Variants in PTPRT observed in about 807,000 individuals in gnomAD.
The protein encoded by PTPRT is protein tyrosine phosphatase receptor type T, also known as receptor-type tyrosine-protein phosphatase T.
In PTPRT, 56 loss-of-function variants were observed where a neutral mutation model predicts 176.8. The observed-to-expected ratio is 0.32, with a 90% CI of 0.26 to 0.40. PTPRT has a LOEUF of 0.40. Among genes scored for constraint, PTPRT ranks in the 10% least tolerant of loss-of-function variants. PTPRT has a pLI of 1.00. For synonymous variants in PTPRT, 783 were observed against 739.0 expected, an observed-to-expected ratio of 1.06 and a Z score of -0.96; for missense variants, 1,540 against 1,908.2, an observed-to-expected ratio of 0.81 and a Z score of 3.60.
At chr20:42,688,504 G>A (rs866370428) in intron 6 of PTPRT, 6 of 152,204 alleles carry the variant, frequency 3.9e-5, no homozygotes, top group Non-Finnish European at 8.8e-5. Context: ...CTTTTGCACT[G>A]ACAGCCTTTC....
At chr20:42,110,574 AG>A in intron 22 of PTPRT, 87 bp from the exon 23 acceptor site, 20 of 1,412,398 alleles carry the variant, frequency 1.4e-5, no homozygotes, top group Non-Finnish European at 1.9e-5. Context: ...TGCTGCACTG[AG>A]GAACCTCCCG....
intron 1 of PTPRT, among the ~76,000 whole-genome samples, chr20:43,101,244 G>C (rs1164703032): frequency 1.3e-5 from 2 of 152,106 alleles, no homozygotes; most frequent in East Asian, 1.9e-4. Context: ...GGATTTGCTG[G>C]GGGGAGATTC....
chr20:42,656,435 T>A (rs1322488471), intron 7 of PTPRT, among the ~76,000 whole-genome samples: 3 of 152,166 alleles, frequency 2.0e-5, no homozygotes, highest in Non-Finnish European at 2.9e-5. Flanking sequence ...CCATTGATTA[T>A]CAGCTCCAAA....
chr20:42,387,485 G>C (rs1235959279), intron 9 of PTPRT, among the ~76,000 whole-genome samples: 1 of 152,208 alleles, frequency 6.6e-6, no homozygotes, highest in Non-Finnish European at 1.5e-5. Flanking sequence ...TTCAGAAGTA[G>C]AGGTGGGTAA....
intron 13 of PTPRT, among the ~76,000 whole-genome samples, chr20:42,269,680 T>A (rs1322131023): frequency 6.6e-6 from 1 of 152,224 alleles, no homozygotes; most frequent in Non-Finnish European, 1.5e-5. Context: ...GGACTGGGCG[T>A]ACCCATGGCA....
chr20:42,466,921 G>C (rs556626218), intron 8 of PTPRT, among the ~76,000 whole-genome samples: 3 of 152,286 alleles, frequency 2.0e-5, no homozygotes, highest in Non-Finnish European at 4.4e-5. Flanking sequence ...GAAGACTAAT[G>C]AGAACATGTC....
chr20:42,660,920 C>T (rs558706581), intron 7 of PTPRT, among the ~76,000 whole-genome samples: 1 of 152,158 alleles, frequency 6.6e-6, no homozygotes, highest in African/African-American at 2.4e-5. Flanking sequence ...GGCATGATGT[C>T]GGCTCACTGC....
chr20:43,079,656 A>G (rs1489975821), intron 1 of PTPRT, among the ~76,000 whole-genome samples: 1 of 152,116 alleles, frequency 6.6e-6, no homozygotes, highest in Non-Finnish European at 1.5e-5. Flanking sequence ...AACATCTTCT[A>G]TTATATATTC....
At chr20:42,943,562 T>A (rs1191013746) in intron 1 of PTPRT, among the ~76,000 whole-genome samples, 1 of 152,148 alleles carries the variant, frequency 6.6e-6, no homozygotes, top group Non-Finnish European at 1.5e-5. Context: ...TCCTCTGGAA[T>A]GATGCAAATC....
chr20:42,254,373 C>A lies in PTPRT; in HGVS notation c.2177-5551G>T, dbSNP rs375170121. The stretch of plus-strand genomic sequence containing the variant: ...TATCTTGAGCCCTACCCCAGACCTA[C>A]TAACTCAGCAGCTGCATTGTAACAA... On this transcript the variant is annotated intron_variant, in intron 13 of 30. Coordinates refer to ENST00000373187, the MANE Select transcript of PTPRT (RefSeq NM_007050.6). Among the ~76,000 whole-genome samples, 8 of 152,338 alleles carry A rather than the reference C, an allele frequency of 5.3e-5. No homozygotes were observed. In the East Asian group the frequency reaches 1.5e-3, roughly 29 times the overall value.
chr20:42,271,176 G>C (rs1023387519), intron 13 of PTPRT, among the ~76,000 whole-genome samples: 8 of 151,996 alleles, frequency 5.3e-5, no homozygotes, highest in African/African-American at 1.9e-4. Context: ...CACCCCTCTG[G>C]TCTTGTCTCT....
intron 7 of PTPRT, among the ~76,000 whole-genome samples, chr20:42,479,383 A>G (rs1193425881): frequency 6.6e-6 from 1 of 152,202 alleles, no homozygotes; most frequent in Admixed American, 6.5e-5. Context: ...TTAAATTGCA[A>G]TGGAGTCCTA....
At chr20:42,150,647 G>T (rs982458232) in intron 17 of PTPRT, among the ~76,000 whole-genome samples, 1 of 152,190 alleles carries the variant, frequency 6.6e-6, no homozygotes, top group Non-Finnish European at 1.5e-5. Flanking sequence ...CTTTGCAAAA[G>T]GCAGACAGAC....
intron 7 of PTPRT, among the ~76,000 whole-genome samples, chr20:42,544,769 T>C (rs1293117717): frequency 1.3e-5 from 2 of 152,220 alleles, no homozygotes; most frequent in African/African-American, 2.4e-5. Context: ...AAGCTATACA[T>C]TCCTGAGCTT....
chr20:42,173,172 C>T (rs1394856383), intron 16 of PTPRT, among the ~76,000 whole-genome samples: 2 of 152,154 alleles, frequency 1.3e-5, no homozygotes, highest in African/African-American at 2.4e-5. Context: ...AAGTTTCACC[C>T]ATCTGGTCTA....
In PTPRT at chr20:42,784,472, C is replaced by T. The variant is rs573876425; in HGVS notation, c.487-4173G>A. Reference sequence around the variant, plus strand: ...GAGAGACTTTTTTTACCCTATCAGCCCAAGGAGACCTGTATAAGACAAGGA... The same window carrying T: ...GAGAGACTTTTTTTACCCTATCAGCTCAAGGAGACCTGTATAAGACAAGGA... On this transcript the variant is annotated intron_variant, in intron 3 of 30. Transcript: ENST00000373187. 2.6e-5 allele frequency among the ~76,000 whole-genome samples: 4 copies of T among 152,016 alleles called. No homozygotes were observed. In the South Asian group the frequency reaches 8.3e-4, roughly 32 times the overall value.
At chr20:42,142,807 A>C (rs551607077) in intron 17 of PTPRT, among the ~76,000 whole-genome samples, 71 of 152,216 alleles carry the variant, frequency 4.7e-4, no homozygotes, top group Non-Finnish European at 9.4e-4. Context: ...TTTTTGACTG[A>C]GATTGACCTT....
chr20:42,686,107 C>T (rs2146098642), intron 6 of PTPRT: 1 of 152,350 alleles, frequency 6.6e-6, no homozygotes, highest in African/African-American at 2.4e-5. Context: ...TCATTGCAAC[C>T]ACACAGTAGT....
chr20:42,243,892 T>C (rs544887434), intron 14 of PTPRT, among the ~76,000 whole-genome samples: 1 of 152,326 alleles, frequency 6.6e-6, no homozygotes, highest in South Asian at 2.1e-4. Flanking sequence ...ATAGCTGCAG[T>C]TTAAATGAAA....
Sources: allele counts gnomAD v4.1 joint callset (sites outside exome capture counted in the v4.1 genomes callset), GRCh38; gene constraint gnomAD v4.1.1; transcripts MANE v1.5; gene names NCBI Gene and HGNC (gene_info 2026-07-23, HGNC 2026-07-21).